The following PM20D2 variants were observed in gnomAD, a reference collection of about 807,000 sequenced individuals.
The protein encoded by PM20D2 is peptidase M20 domain containing 2, also known as xaa-Arg dipeptidase.
A neutral mutation model predicts 42.9 loss-of-function variants in PM20D2; 33 were observed. The observed-to-expected ratio is 0.77, with a 90% confidence interval of 0.58 to 1.03. PM20D2 has a LOEUF of 1.03. Among genes scored for constraint, PM20D2 ranks in the 50% least tolerant of loss-of-function variants. The pLI, the probability that PM20D2 is intolerant of heterozygous loss-of-function variation, is 0.00. For missense variants in PM20D2, 548 were observed against 557.0 expected, an observed-to-expected ratio of 0.98 and a Z score of 0.16; for synonymous variants, 250 against 228.2, an observed-to-expected ratio of 1.10 and a Z score of -0.86.
At chr6:89,136,672 C>T in the PM20D2 span, among the ~76,000 whole-genome samples, 1 of 150,322 alleles carries the variant, frequency 6.7e-6, no homozygotes, top group African/African-American at 2.5e-5. Context: ...AGCTAGACTC[C>T]GTCTCAAAAA....
At position 89,154,735 on chromosome 6, in the gene PM20D2, G is replaced by T. The variant is rs558211876; in HGVS notation, c.758-13G>T. ...CACCAAGCTTAATTCTAGTAATTTGGTTCTTTTTATAGGTATAATAAAAAA... is the reference window on the plus strand; with the variant it reads ...CACCAAGCTTAATTCTAGTAATTTGTTTCTTTTTATAGGTATAATAAAAAA... On this transcript the variant is annotated splice_polypyrimidine_tract_variant and intron_variant, in intron 3 of 6. Transcript: ENST00000275072. 1.7e-5 allele frequency: 25 copies of T among 1,480,358 alleles called. No individual in the cohort carries two copies. The African/African-American group carries it at 3.3e-4, about 20-fold the overall frequency. The allele number at this position is 1,480,358 out of a possible 1,614,324, so 91.7% of individuals were successfully genotyped here. A position where few individuals can be genotyped will look rare whatever the true frequency, so the allele number is the denominator to read the frequency against.
chr6:89,131,705 A>G, the PM20D2 span, among the ~76,000 whole-genome samples: 1 of 152,112 alleles, frequency 6.6e-6, no homozygotes, highest in Admixed American at 6.5e-5. Context: ...GTTTCCAGTG[A>G]CATGGAAAGT....
the PM20D2 span, among the ~76,000 whole-genome samples, chr6:89,134,452 CT>C: frequency 1.3e-5 from 2 of 151,298 alleles, no homozygotes; most frequent in African/African-American, 4.9e-5. Context: ...CCCCACACAT[CT>C]TTTATCCTAC....
chr6:89,146,555 G>T lies in PM20D2; in HGVS notation c.411G>T (p.Ala137=). Residue 137 remains alanine, a synonymous_variant, in exon 1 of 7, where the codon GCG becomes GCT. Coordinates refer to ENST00000275072, the MANE Select transcript of PM20D2 (RefSeq NM_001010853.3). The stretch of plus-strand genomic sequence containing the variant: ...TCGCTGAGGTCGGGGCGGCGGCCGC[G>T]CTGGGCGTGAGGGGGGCCTTAGAGG... The part of the protein sequence containing the change: ...NLIAEVGAAA[A]LGVRGALEGL... The T allele has an allele frequency of 2.0e-6, 3 of 1,495,388 alleles. No homozygotes were observed. Among genetic ancestry groups the T allele is most frequent in the Non-Finnish European group, 1.8e-6 (2 of 1,129,904 alleles). The allele number at this position is 1,495,388 out of a possible 1,614,324, so 92.6% of individuals were successfully genotyped here. A position where few individuals can be genotyped will look rare whatever the true frequency, so the allele number is the denominator to read the frequency against.
chr6:89,102,489 T>A, the PM20D2 span, among the ~76,000 whole-genome samples: 2 of 152,196 alleles, frequency 1.3e-5, no homozygotes, highest in African/African-American at 4.8e-5. Flanking sequence ...GAATATATTC[T>A]GGAATAAATT....
chr6:89,133,529 C>G, the PM20D2 span, among the ~76,000 whole-genome samples: 1 of 151,260 alleles, frequency 6.6e-6, no homozygotes, highest in South Asian at 2.1e-4. Flanking sequence ...TTCTTGCTTG[C>G]ATCACCCTCC....
At chr6:89,131,915 T>C in the PM20D2 span, among the ~76,000 whole-genome samples, 1 of 152,172 alleles carries the variant, frequency 6.6e-6, no homozygotes. Flanking sequence ...GCTGACTTTA[T>C]GTGAAATGGG....
chr6:89,143,942 A>T (rs1237786094), upstream of PM20D2, among the ~76,000 whole-genome samples: 1 of 152,234 alleles, frequency 6.6e-6, no homozygotes, highest in Non-Finnish European at 1.5e-5. Flanking sequence ...CAGCCAACAA[A>T]TATTTATTAA....
the PM20D2 span, among the ~76,000 whole-genome samples, chr6:89,104,669 A>T: frequency 6.6e-6 from 1 of 152,192 alleles, no homozygotes; most frequent in African/African-American, 2.4e-5. Flanking sequence ...AATATATGAT[A>T]AATAGAGAAG....
chr6:89,142,965 A>G (rs1010188733), upstream of PM20D2, among the ~76,000 whole-genome samples: 1 of 152,180 alleles, frequency 6.6e-6, no homozygotes, highest in South Asian at 2.1e-4. Flanking sequence ...GCCCCCCACA[A>G]TTATTTTTGT....
chr6:89,103,991 C>CTTTT, the PM20D2 span, among the ~76,000 whole-genome samples: 195 of 81,962 alleles, frequency 2.4e-3, 23 homozygotes, highest in African/African-American at 8.6e-3. Flanking sequence ...TATTATATTT[C>CTTTT]TTTTTTTTTT....
intron 2 of PM20D2, among the ~76,000 whole-genome samples, chr6:89,149,669 TTC>T (rs1276558189): frequency 1.3e-5 from 2 of 152,232 alleles, no homozygotes; most frequent in Admixed American, 1.3e-4. Context: ...GACAATTAAG[TTC>T]TCTTTTGAAC....
the PM20D2 span, among the ~76,000 whole-genome samples, chr6:89,114,866 G>C: frequency 1.3e-5 from 2 of 151,364 alleles, no homozygotes; most frequent in Admixed American, 6.6e-5. Flanking sequence ...GTACTATCTC[G>C]GCTCACTGCA....
the PM20D2 span, chr6:89,096,950 C>T: frequency 1.1e-3 from 170 of 152,164 alleles, 1 homozygote; most frequent in African/African-American, 3.6e-3. Flanking sequence ...TTTATTATAG[C>T]GGAATAATTC....
In PM20D2 at chr6:89,161,841, C is replaced by T. The variant is rs78088857; in HGVS notation, c.1107C>T (p.His369=). Residue 369 remains histidine (H), a synonymous_variant, in exon 6 of 7, where the codon CAC becomes CAT. Transcript: ENST00000275072. The part of the protein sequence containing the change: ...FVVPGIHPYF[H]IGSNALNHTE... ...TTCCTGGAATTCATCCATATTTTCA[C>T]ATTGGATCTAATGCCTTGAATCATA... 1 of 1,613,834 alleles carries T rather than the reference C, an allele frequency of 6.2e-7. No homozygotes were observed. Among genetic ancestry groups the T allele is most frequent in the East Asian group, 2.2e-5 (1 of 44,892 alleles).
intron 5 of PM20D2, among the ~76,000 whole-genome samples, chr6:89,160,909 T>C (rs371450351): frequency 4.6e-5 from 7 of 151,864 alleles, no homozygotes; most frequent in Middle Eastern, 6.8e-3. Context: ...GAGAGCATGG[T>C]GAGTGTCTAG....
At chr6:89,108,137 T>C in the PM20D2 span, among the ~76,000 whole-genome samples, 1 of 152,204 alleles carries the variant, frequency 6.6e-6, no homozygotes, top group Non-Finnish European at 1.5e-5. Context: ...AGCCTGCTTA[T>C]GTGCCTTCTA....
Position 89,165,176 on chromosome 6 carries a change from A to G in PM20D2, c.*2913A>G, listed in dbSNP as rs1395594628. 1 of 151,996 alleles carries G rather than the reference A, an allele frequency of 6.6e-6. No individual in the cohort carries two copies. The highest frequency in any genetic ancestry group is 6.6e-5 in the Admixed American group (1 of 15,256). 9.4% of individuals were successfully genotyped at this position (151,996 alleles called of 1,614,324 possible). A position where few individuals can be genotyped will look rare whatever the true frequency, so the allele number is the denominator to read the frequency against. ...TTAAGGATGATTGTCTAATTTTGTA[A>G]TATGTTGTTTTTTAAAAACCTGTCT... On this transcript the variant is annotated 3_prime_UTR_variant, in exon 7 of 7. Transcript: ENST00000275072.
At chr6:89,105,650 C>A in the PM20D2 span, 3 of 668,146 alleles carry the variant, frequency 4.5e-6, no homozygotes, top group African/African-American at 5.5e-5. Context: ...AAGCTCACAT[C>A]TTCAATATAA....
Sources: allele counts gnomAD v4.1 joint callset (sites outside exome capture counted in the v4.1 genomes callset), GRCh38; gene constraint gnomAD v4.1.1; transcripts MANE v1.5; gene names NCBI Gene and HGNC (gene_info 2026-07-23, HGNC 2026-07-21).